MAP4: variants seen among roughly 807,000 people sequenced by gnomAD.
MAP4 encodes the protein microtubule associated protein 4, also known as microtubule-associated protein 4.
MAP4 carries 76 observed loss-of-function variants against 170.2 expected under a neutral mutation model. The observed-to-expected ratio is 0.45, with a 90% CI of 0.37 to 0.54. The LOEUF (loss-of-function observed/expected upper bound fraction) is 0.54, where lower values mean the gene tolerates loss of function less well. MAP4 is among the 20% of genes least tolerant of loss of function. The pLI is 0.00. For missense variants in MAP4, 2,506 were observed against 2,748.0 expected (o/e 0.91, Z 1.97); for synonymous variants, 909 against 994.5 (o/e 0.91, Z 1.62).
chr3:48,083,472 T>G (rs944299644), intron 1 of MAP4, among the ~76,000 whole-genome samples: 8 of 151,932 alleles, frequency 5.3e-5, no homozygotes, highest in Non-Finnish European at 8.8e-5. Flanking sequence ...TTCAAGTGAT[T>G]CTCCTGCCTC....
chr3:47,869,299 G>A lies in MAP4; in HGVS notation c.6323C>T (p.Ala2108Val). The stretch of plus-strand genomic sequence containing the variant: ...AGATTCAGGCTTTCGGGTTGTAGCA[G>A]CTGCCTCTGTTTTTTTCTCTACTTT... ...RAKVEKKTEA[A>V]ATTRKPESNA... Residue 2108 changes from alanine to valine, a missense_variant, in exon 16 of 21, where the codon GCT becomes GTT. Ala to Val is a moderately conservative substitution (Grantham distance 64). Transcript: ENST00000683076. 1 of 1,614,028 alleles carries A rather than the reference G, an allele frequency of 6.2e-7. No individual in the cohort carries two copies. Among genetic ancestry groups the A allele is most frequent in the Non-Finnish European group, 8.5e-7 (1 of 1,179,906 alleles).
intron 3 of MAP4, among the ~76,000 whole-genome samples, chr3:47,952,248 G>C (rs1347865263): frequency 1.3e-5 from 2 of 151,374 alleles, no homozygotes; most frequent in Non-Finnish European, 3.0e-5. Context: ...CGCCCCGTCC[G>C]GGAGGGAGGT....
At chr3:48,002,347 G>C (rs559451762) in intron 1 of MAP4, among the ~76,000 whole-genome samples, 2 of 151,972 alleles carry the variant, frequency 1.3e-5, no homozygotes, top group East Asian at 1.9e-4. Context: ...GATTACTTGA[G>C]ACTAGGAATT....
chr3:47,883,012 T>C (rs148643359), intron 10 of MAP4, among the ~76,000 whole-genome samples: 6 of 152,214 alleles, frequency 3.9e-5, no homozygotes, highest in African/African-American at 1.2e-4. Flanking sequence ...GGTTTCGTCA[T>C]GTTGCCCAGG....
At chr3:47,873,084 T>C (rs1284111042) in intron 12 of MAP4, among the ~76,000 whole-genome samples, 1 of 152,150 alleles carries the variant, frequency 6.6e-6, no homozygotes, top group Non-Finnish European at 1.5e-5. Flanking sequence ...AGGACCAGCT[T>C]TGATAATATG....
chr3:47,973,673 C>A (rs776733655), intron 3 of MAP4: 2 of 985,244 alleles, frequency 2.0e-6, no homozygotes, highest in Non-Finnish European at 2.4e-6. Context: ...GAAAGTCATA[C>A]CCAGGCTTCT....
rs1365394186 is a variant in MAP4, at chr3:47,921,747, C to T, written c.529+18G>A. 6.8e-7 allele frequency: 1 copy of T among 1,460,564 alleles called. No homozygotes were observed. Among genetic ancestry groups the T allele is most frequent in the African/African-American group, 1.4e-5 (1 of 71,594 alleles). The allele number at this position is 1,460,564 out of a possible 1,614,324, so 90.5% of individuals were successfully genotyped here. Reference sequence around the variant, plus strand: ...TTTTTCCTTCCCTACAGAATAAATCCATTTGAAGAAGCCATACCGTAACTG... The same window carrying T: ...TTTTTCCTTCCCTACAGAATAAATCTATTTGAAGAAGCCATACCGTAACTG... On this transcript the variant is annotated intron_variant, in intron 5 of 20. Transcript: ENST00000683076.
intron 3 of MAP4, among the ~76,000 whole-genome samples, chr3:47,938,068 A>T (rs1375807280): frequency 6.6e-6 from 1 of 151,700 alleles, no homozygotes. Context: ...TCTTACTTTT[A>T]TTTTATTGAG....
chr3:48,082,797 CAAAAAAA>C (rs1294638726), intron 1 of MAP4, among the ~76,000 whole-genome samples: 2 of 49,012 alleles, frequency 4.1e-5, no homozygotes, highest in Non-Finnish European at 8.7e-5. Flanking sequence ...GACTTTGTCT[CAAAAAAA>C]AAAAAAAAAA....
intron 1 of MAP4, among the ~76,000 whole-genome samples, chr3:48,056,759 T>C (rs1312152207): frequency 3.7e-4 from 10 of 26,798 alleles, no homozygotes; most frequent in African/African-American, 9.2e-4. Flanking sequence ...GGAGCCCCTC[T>C]GCCCGGCCAG....
At chr3:47,993,169 A>G (rs2100093411) in intron 2 of MAP4, among the ~76,000 whole-genome samples, 1 of 152,158 alleles carries the variant, frequency 6.6e-6, no homozygotes, top group South Asian at 2.1e-4. Flanking sequence ...AACTTGTTTT[A>G]AGACATCAGC....
intron 3 of MAP4, among the ~76,000 whole-genome samples, chr3:47,952,492 T>C (rs995984327): frequency 5.5e-4 from 84 of 152,102 alleles, no homozygotes; most frequent in Non-Finnish European, 1.1e-3. Context: ...GGTTGCTGTG[T>C]CTGTGTAGAA....
At chr3:48,071,500 G>T (rs2100141015) in intron 1 of MAP4, among the ~76,000 whole-genome samples, 1 of 152,066 alleles carries the variant, frequency 6.6e-6, no homozygotes, top group Admixed American at 6.6e-5. Flanking sequence ...AATGAGCCAT[G>T]ATGCCAAACC....
intron 11 of MAP4, among the ~76,000 whole-genome samples, chr3:47,876,432 G>A (rs745829093): frequency 2.6e-5 from 4 of 152,058 alleles, no homozygotes; most frequent in Non-Finnish European, 4.4e-5. Flanking sequence ...CGCCTGGCCT[G>A]GGAATAGTTT....
intron 3 of MAP4, among the ~76,000 whole-genome samples, chr3:47,962,429 A>G (rs965944600): frequency 6.6e-6 from 1 of 152,184 alleles, no homozygotes; most frequent in African/African-American, 2.4e-5. Context: ...AAGATATGCA[A>G]TCAGCTTTGG....
At chr3:47,926,967 T>A (rs576344015) in intron 4 of MAP4, among the ~76,000 whole-genome samples, 1 of 152,048 alleles carries the variant, frequency 6.6e-6, no homozygotes, top group South Asian at 2.1e-4. Flanking sequence ...GAGTTTGAGA[T>A]CAGCCTGGCC....
At chr3:48,038,037 A>G (rs1031043785) in intron 1 of MAP4, among the ~76,000 whole-genome samples, 26 of 151,912 alleles carry the variant, frequency 1.7e-4, no homozygotes, top group Non-Finnish European at 2.8e-4. Flanking sequence ...CATTGGTGGC[A>G]GGCGTCTATA....
At chr3:47,864,751 C>T (rs2076453960) in intron 17 of MAP4, among the ~76,000 whole-genome samples, 1 of 152,192 alleles carries the variant, frequency 6.6e-6, no homozygotes, top group Admixed American at 6.5e-5. Context: ...CCTGTAATCC[C>T]AGCTACTCGG....
At chr3:47,869,785 G>T (rs960955813) in intron 15 of MAP4, among the ~76,000 whole-genome samples, 1 of 152,006 alleles carries the variant, frequency 6.6e-6, no homozygotes, top group Non-Finnish European at 1.5e-5. Context: ...CAATTCACTA[G>T]ATCAAGTCAC....
Sources: allele counts gnomAD v4.1 joint callset (sites outside exome capture counted in the v4.1 genomes callset), GRCh38; gene constraint gnomAD v4.1.1; transcripts MANE v1.5; gene names NCBI Gene and HGNC (gene_info 2026-07-23, HGNC 2026-07-21).